The following SLC9B1 variants were observed in gnomAD, a reference collection of about 807,000 sequenced individuals.
The protein encoded by SLC9B1 is sodium/hydrogen exchanger 9B1.
SLC9B1 carries 32 observed loss-of-function variants against 51.7 expected under a neutral mutation model. That is an observed-to-expected ratio of 0.62 (90% CI 0.47 to 0.83). The LOEUF (loss-of-function observed/expected upper bound fraction) is 0.83. Ranked by LOEUF, SLC9B1 falls within the 40% of genes least tolerant of loss-of-function variation. The probability of loss-of-function intolerance (pLI) is 0.00; values close to 1 mark genes in which losing one functional copy is unlikely to be tolerated. For synonymous variants in SLC9B1, 145 were observed against 212.7 expected (o/e 0.68, Z 2.77); for missense variants, 406 against 613.2 (o/e 0.66, Z 3.57).
At chr4:102,941,805 C>T in intron 6 of SLC9B1, among the ~76,000 whole-genome samples, 1 of 150,808 alleles carries the variant, frequency 6.6e-6, no homozygotes, top group Non-Finnish European at 1.5e-5. Flanking sequence ...AAGTCCTAGC[C>T]AGAGCAATCA....
rs953184686 is a variant in SLC9B1, at chr4:102,906,674, A to G, written c.1087-30T>C. ...AGAAAAGAGAAATACATTTATAATG[A>G]TTTTGGCACATAAATATATTTCAGA... On this transcript the variant is annotated intron_variant, in intron 9 of 11. Coordinates refer to ENST00000296422, the MANE Select transcript of SLC9B1 (RefSeq NM_139173.4). 6.1e-6 allele frequency: 8 copies of G among 1,311,088 alleles called. No individual in the cohort carries two copies. In the African/African-American group the frequency reaches 1.0e-4, roughly 17 times the overall value. The allele number at this position is 1,311,088 out of a possible 1,614,324, so 81.2% of individuals were successfully genotyped here.
rs570110459 is a variant in SLC9B1, at chr4:102,969,872, T to C, written c.211+19928A>G. Among the ~76,000 whole-genome samples, 4 of 151,736 alleles carry C rather than the reference T, an allele frequency of 2.6e-5. No homozygotes were observed. In the East Asian group the frequency reaches 7.8e-4, roughly 29 times the overall value. On this transcript the variant is annotated intron_variant, in intron 3 of 11. Coordinates refer to ENST00000296422, the MANE Select transcript of SLC9B1 (RefSeq NM_139173.4). ...AGCTTCCATAGCTGATTCGATCAAG[T>C]GGAAGAAAGGGTATCAGTGATGGAA...
intron 6 of SLC9B1, among the ~76,000 whole-genome samples, chr4:102,940,244 C>A (rs1242028534): frequency 6.6e-6 from 1 of 152,146 alleles, no homozygotes; most frequent in African/African-American, 2.4e-5. Context: ...AGAATGCAAT[C>A]CCATTCACAA....
chr4:102,906,276 A>C (rs773758787), intron 10 of SLC9B1: 1 of 214,366 alleles, frequency 4.7e-6, no homozygotes, highest in Non-Finnish European at 9.0e-6. Flanking sequence ...ATCGTATCAA[A>C]TATGTTCCCT....
chr4:102,983,064 C>T (rs1400188201), intron 3 of SLC9B1, among the ~76,000 whole-genome samples: 1 of 152,076 alleles, frequency 6.6e-6, no homozygotes, highest in Non-Finnish European at 1.5e-5. Context: ...CCACTCTATT[C>T]TAGCTTGCTG....
At chr4:102,894,140 G>C (rs570580048) in intron 11 of SLC9B1, among the ~76,000 whole-genome samples, 3 of 152,190 alleles carry the variant, frequency 2.0e-5, no homozygotes, top group Non-Finnish European at 4.4e-5. Context: ...TAAATGCTGA[G>C]AGGGCTATTG....
chr4:102,971,241 A>T (rs1231014584), intron 3 of SLC9B1, among the ~76,000 whole-genome samples: 1 of 152,236 alleles, frequency 6.6e-6, no homozygotes, highest in Non-Finnish European at 1.5e-5. Context: ...GTTTGAAGTA[A>T]AGCACTCCTC....
intron 11 of SLC9B1, chr4:102,890,911 G>A (rs1436813503): frequency 3.4e-5 from 5 of 145,036 alleles, no homozygotes; most frequent in East Asian, 4.0e-4. Context: ...TACGAAGTTC[G>A]TAGGACAGGA....
At chr4:102,987,701 G>T (rs1471784532) in intron 3 of SLC9B1, among the ~76,000 whole-genome samples, 1 of 152,086 alleles carries the variant, frequency 6.6e-6, no homozygotes, top group Non-Finnish European at 1.5e-5. Flanking sequence ...AAAAAAGTGT[G>T]GGCCTCTCCC....
intron 1 of SLC9B1, among the ~76,000 whole-genome samples, chr4:103,015,677 C>A (rs1406906634): frequency 6.6e-6 from 1 of 152,102 alleles, no homozygotes; most frequent in Non-Finnish European, 1.5e-5. Context: ...AACCTCCTAC[C>A]CAAATATTCC....
chr4:102,959,496 C>A (rs1220694812), intron 3 of SLC9B1, among the ~76,000 whole-genome samples: 1 of 152,024 alleles, frequency 6.6e-6, no homozygotes, highest in Non-Finnish European at 1.5e-5. Context: ...CAGAACATTT[C>A]TGGTTATAGA....
rs763475394 is a variant in SLC9B1, at chr4:102,901,353, G to T, written c.1333-21C>A. On this transcript the variant is annotated intron_variant, in intron 11 of 11. Coordinates refer to ENST00000296422, the MANE Select transcript of SLC9B1 (RefSeq NM_139173.4). ...ACAGCCTGCATTTAGGGGTAAAAAT[G>T]GGGCATAAAGAAAAATATTAAACTG... 22 of 1,610,600 alleles carry T rather than the reference G, an allele frequency of 1.4e-5. No homozygotes were observed. In the African/African-American group the frequency reaches 2.4e-4, roughly 18 times the overall value.
At chr4:102,920,135 C>T (rs555099007) in intron 7 of SLC9B1, among the ~76,000 whole-genome samples, 11 of 152,322 alleles carry the variant, frequency 7.2e-5, no homozygotes, top group African/African-American at 2.6e-4. Flanking sequence ...CTAACTGGGA[C>T]ACACCTGCCA....
At chr4:102,899,829 A>T (rs1166441301), downstream of SLC9B1, among the ~76,000 whole-genome samples, 1 of 152,222 alleles carries the variant, frequency 6.6e-6, no homozygotes, top group Non-Finnish European at 1.5e-5. Flanking sequence ...ATATTTGAAA[A>T]TGGAGTCTGT....
intron 3 of SLC9B1, among the ~76,000 whole-genome samples, chr4:102,974,242 G>GAAAAAAAAAAAAAAAA (rs141412944): frequency 3.7e-5 from 2 of 53,456 alleles, no homozygotes; most frequent in Non-Finnish European, 6.7e-5. Flanking sequence ...GTCTAAAATT[G>GAAAAAAAAAAAAAAAA]AAAAAAAAAA....
Position 102,932,299 on chromosome 4 carries a change from A to G in SLC9B1, c.654T>C (p.Gly218=), listed in dbSNP as rs1229431410. ...CAGGAGAGACAGCACCTAGAACAAA[A>G]CTGAAAGAAAGAATGAAAATTAATT... The part of the protein sequence containing the change: ...KFPWQWAFLL[G]FVLGAVSPAV... Residue 218 remains glycine (G), a splice_region_variant and synonymous_variant, in exon 7 of 12, where the codon GGT becomes GGC. Transcript: ENST00000296422. The G allele has an allele frequency of 5.0e-6, 8 of 1,608,738 alleles. No homozygotes were observed. The highest frequency in any genetic ancestry group is 1.7e-5 in the Admixed American group (1 of 59,318).
chr4:102,995,682 A>G (rs1740178229), intron 1 of SLC9B1, among the ~76,000 whole-genome samples: 1 of 152,204 alleles, frequency 6.6e-6, no homozygotes, highest in Admixed American at 6.5e-5. Flanking sequence ...GGTAGGTGGT[A>G]TGCCTAAAAG....
At chr4:102,943,499 G>GTA (rs1280200524) in intron 6 of SLC9B1, among the ~76,000 whole-genome samples, 6 of 81,986 alleles carry the variant, frequency 7.3e-5, no homozygotes, top group African/African-American at 2.7e-4. Flanking sequence ...GTATATATGT[G>GTA]TATGTATACA....
intron 6 of SLC9B1, among the ~76,000 whole-genome samples, chr4:102,935,014 C>A (rs575219577): frequency 6.6e-6 from 1 of 151,780 alleles, no homozygotes; most frequent in Admixed American, 6.6e-5. Flanking sequence ...TGTGTATTGG[C>A]AATTCTGTCT....
Sources: allele counts gnomAD v4.1 joint callset (sites outside exome capture counted in the v4.1 genomes callset), GRCh38; gene constraint gnomAD v4.1.1; transcripts MANE v1.5; gene names NCBI Gene and HGNC (gene_info 2026-07-23, HGNC 2026-07-21).